Variants in TLE3 observed in about 807,000 individuals in gnomAD.
TLE3 encodes transducin-like enhancer protein 3.
Under a neutral mutation model 93.0 loss-of-function variants are expected in TLE3, and 14 were observed. The observed-to-expected ratio is 0.15, with a 90% CI of 0.10 to 0.24. TLE3 has a LOEUF of 0.24. TLE3 is among the 10% of genes least tolerant of loss of function. The probability of loss-of-function intolerance (pLI) is 1.00; values close to 1 mark genes in which losing one functional copy is unlikely to be tolerated. For missense variants in TLE3, 693 were observed against 1,046.6 expected (o/e 0.66, Z 4.66); for synonymous variants, 451 against 425.0 (o/e 1.06, Z -0.75).
At chr15:70,071,789 C>CT (rs1176713287) in intron 6 of TLE3, among the ~76,000 whole-genome samples, 1 of 152,138 alleles carries the variant, frequency 6.6e-6, no homozygotes, top group African/African-American at 2.4e-5. Flanking sequence ...TCTTGGGACC[C>CT]TCTCTCTCCT....
At position 70,096,204 on chromosome 15, in the gene TLE3, T is replaced by C. The variant is rs1197554365; in HGVS notation, c.82A>G (p.Arg28Gly). 6.4e-7 allele frequency: 1 copy of C among 1,562,046 alleles called. No individual in the cohort carries two copies. The highest frequency in any genetic ancestry group is 8.7e-7 in the Non-Finnish European group (1 of 1,152,896). ...AGGAACTGGAATTCGTCTTTGATCC[T>C]GTCACAAGACTCAGCCACCGTGAAT... Reference protein sequence around the residue: ...FKFTVAESCDRIKDEFQFLQA... With the variant: ...FKFTVAESCDGIKDEFQFLQA... The change falls in exon 2 of 20, where the codon AGG (arginine) becomes GGG (glycine). Residue 28 changes from arginine (R) to glycine (G), a missense_variant. This residue lies in a region of TLE3 where 104 missense variants were observed against 173.8 expected (regional missense o/e 0.60). Coordinates refer to ENST00000451782, the MANE Select transcript of TLE3 (RefSeq NM_001105192.3).
intron 18 of TLE3, among the ~76,000 whole-genome samples, chr15:70,052,075 T>C (rs578154384): frequency 3.1e-4 from 47 of 152,196 alleles, no homozygotes; most frequent in Admixed American, 3.1e-3. Context: ...GTTGTAACCA[T>C]GGAGAGGAAC....
chr15:70,062,030 G>A (rs1005695306), intron 8 of TLE3, among the ~76,000 whole-genome samples: 1 of 152,210 alleles, frequency 6.6e-6, no homozygotes, highest in Non-Finnish European at 1.5e-5. Flanking sequence ...GGGCTGGGCA[G>A]TATTCGGTGG....
At chr15:70,053,514 T>G in intron 16 of TLE3, 140 bp from the exon 17 acceptor site, 3 of 970,902 alleles carry the variant, frequency 3.1e-6, no homozygotes, top group East Asian at 3.0e-5. Context: ...TTAGCGAGCT[T>G]GCAGCAAAGC....
intron 2 of TLE3, 174 bp from the exon 3 acceptor site, chr15:70,095,815 G>A (rs992683477): frequency 4.4e-5 from 34 of 770,666 alleles, no homozygotes; most frequent in East Asian, 3.8e-4. Flanking sequence ...CGTGGGGAGG[G>A]GGATGTGAAA....
chr15:70,090,382 G>C (rs1407107908), intron 4 of TLE3, among the ~76,000 whole-genome samples: 1 of 152,170 alleles, frequency 6.6e-6, no homozygotes, highest in Non-Finnish European at 1.5e-5. Flanking sequence ...CACACAAATA[G>C]GCACTTCCCT....
chr15:70,085,631 C>A (rs2141966947), intron 4 of TLE3, among the ~76,000 whole-genome samples: 1 of 152,350 alleles, frequency 6.6e-6, no homozygotes, highest in Admixed American at 6.5e-5. Context: ...CAAGTTCCTG[C>A]AGACCAGGCC....
At chr15:70,064,561 G>C (rs950971788) in intron 7 of TLE3, 91 bp from the exon 8 acceptor site, 1 of 1,565,566 alleles carries the variant, frequency 6.4e-7, no homozygotes, top group African/African-American at 1.4e-5. Flanking sequence ...TCTAAGTCCA[G>C]CTGGCTTTTG....
Position 70,094,528 on chromosome 15 carries a change from T to C in TLE3, c.234+4A>G. 1 of 1,546,840 alleles carries C rather than the reference T, an allele frequency of 6.5e-7. No individual in the cohort carries two copies. On this transcript the variant is annotated splice_donor_region_variant and intron_variant, in intron 4 of 19. Transcript: ENST00000451782. ...ATATATTTTTAAAAGAGAAAAGCACTTACCTGCTTGTGCATTTCAATGTTC... is the reference window on the plus strand; with the variant it reads ...ATATATTTTTAAAAGAGAAAAGCACCTACCTGCTTGTGCATTTCAATGTTC...
chr15:70,060,671 G>A (rs771750994), intron 8 of TLE3, 22 bp from the exon 9 acceptor site: 23 of 1,612,228 alleles, frequency 1.4e-5, no homozygotes, highest in Middle Eastern at 1.6e-4. Context: ...AAGAGGGTTC[G>A]GGGTTAAAAC....
chr15:70,057,598 A>G lies in TLE3; in HGVS notation c.1112T>C (p.Met371Thr), dbSNP rs574277589. ...GGAGCCGTTCATCTCATGGTGGCTC[A>G]TCATGGCGAAGGGCGCCGCATAGGA... ...TSSYAAPFAMMSHHEMNGSLT... is the reference protein window; with the variant it reads ...TSSYAAPFAMTSHHEMNGSLT... Residue 371 changes from methionine (M) to threonine (T), a missense_variant, in exon 13 of 20, where the codon ATG (methionine) becomes ACG (threonine). This residue lies in a region of TLE3 where 405 missense variants were observed against 468.9 expected (regional missense o/e 0.86). Transcript: ENST00000451782. 1.3e-6 allele frequency: 2 copies of G among 1,595,980 alleles called. No individual in the cohort carries two copies. Among genetic ancestry groups the G allele is most frequent in the South Asian group, 2.3e-5 (2 of 88,460 alleles).
At chr15:70,077,719 A>G (rs1041972218) in intron 4 of TLE3, among the ~76,000 whole-genome samples, 4 of 152,196 alleles carry the variant, frequency 2.6e-5, no homozygotes, top group African/African-American at 4.8e-5. Context: ...TGGCAGGGAG[A>G]GGATCAGGAA....
At position 70,048,831 on chromosome 15, in the gene TLE3, A is replaced by C. The variant is rs1451170356; in HGVS notation, c.*1266T>G. ...CTGTGTCCCCCTCTCCCACCCCCCAACCCCCACTGCTCTGCCCAGGGTGGG... is the reference window on the plus strand; with the variant it reads ...CTGTGTCCCCCTCTCCCACCCCCCACCCCCCACTGCTCTGCCCAGGGTGGG... On this transcript the variant is annotated 3_prime_UTR_variant, in exon 20 of 20. Coordinates refer to ENST00000451782, the MANE Select transcript of TLE3 (RefSeq NM_001105192.3). 2.6e-5 allele frequency: 4 copies of C among 151,112 alleles called. No homozygotes were observed. The highest frequency in any genetic ancestry group is 9.7e-5 in the African/African-American group (4 of 41,068). 9.4% of individuals were successfully genotyped at this position (151,112 alleles called of 1,614,324 possible).
Position 70,057,911 on chromosome 15 carries a change from A to C in TLE3, c.1051+248T>G, listed in dbSNP as rs1396424890. 6 of 720,798 alleles carry C rather than the reference A, an allele frequency of 8.3e-6. No individual in the cohort carries two copies. In the East Asian group the frequency reaches 1.4e-4, roughly 16 times the overall value. The allele number at this position is 720,798 out of a possible 1,614,324, so 44.7% of individuals were successfully genotyped here. On this transcript the variant is annotated intron_variant, in intron 12 of 19. Coordinates refer to ENST00000451782, the MANE Select transcript of TLE3 (RefSeq NM_001105192.3). Reference sequence around the variant, plus strand: ...GCTTGCTTAGAGCCTCACTGGACTAATGACAGGGGTGGGAACAGATTTTGG... The same window carrying C: ...GCTTGCTTAGAGCCTCACTGGACTACTGACAGGGGTGGGAACAGATTTTGG...
intron 19 of TLE3, chr15:70,050,949 C>A (rs2055474708): frequency 6.2e-6 from 1 of 162,562 alleles, no homozygotes. Context: ...TTCCTCCTCT[C>A]TTTCCTGTCC....
chr15:70,052,448 T>C lies in TLE3; in HGVS notation c.2051A>G (p.His684Arg). 1 of 1,614,018 alleles carries C rather than the reference T, an allele frequency of 6.2e-7. No homozygotes were observed. Among genetic ancestry groups the C allele is most frequent in the Non-Finnish European group, 8.5e-7 (1 of 1,179,920 alleles). ...CTGGTACTTGTCAGGCTTGGTGTGGTGCAGCACCTCCACGTTGCTGCTCTC... is the reference window on the plus strand; with the variant it reads ...CTGGTACTTGTCAGGCTTGGTGTGGCGCAGCACCTCCACGTTGCTGCTCTC... The part of the protein sequence containing the change: ...GMESSNVEVL[H>R]HTKPDKYQLH... The change falls in exon 18 of 20, where the codon CAC becomes CGC. Residue 684 changes from histidine to arginine, a missense_variant. His to Arg is a conservative substitution (Grantham distance 29). Around this residue, in one of 4 missense-constraint regions of TLE3, gnomAD observed 153 missense variants for 379.9 expected, o/e 0.40. Coordinates refer to ENST00000451782, the MANE Select transcript of TLE3 (RefSeq NM_001105192.3).
chr15:70,077,426 A>T (rs1160970201), intron 4 of TLE3, among the ~76,000 whole-genome samples: 3 of 152,236 alleles, frequency 2.0e-5, no homozygotes, highest in Non-Finnish European at 4.4e-5. Context: ...AAAATCTGTG[A>T]TCATCTGCAT....
Position 70,096,702 on chromosome 15 carries a change from G to A in TLE3, c.24+73C>T, listed in dbSNP as rs1398111578. The stretch of plus-strand genomic sequence containing the variant: ...CATAAAGGTAGCAACAAGCAAAATG[G>A]AGGTGCCAGATAAACTGCCTCGTTT... On this transcript the variant is annotated intron_variant, in intron 1 of 19. Transcript: ENST00000451782. 3.1e-6 allele frequency: 5 copies of A among 1,589,380 alleles called. No individual in the cohort carries two copies. In the South Asian group the frequency reaches 3.4e-5, roughly 11 times the overall value.
intron 6 of TLE3, chr15:70,067,006 C>A (rs1043045817): frequency 1.3e-5 from 3 of 222,720 alleles, no homozygotes; most frequent in South Asian, 4.3e-5. Context: ...CAGCTCATGG[C>A]GCACAGCTAC....
Sources: allele counts gnomAD v4.1 joint callset (sites outside exome capture counted in the v4.1 genomes callset), GRCh38; gene constraint gnomAD v4.1.1; regional missense constraint gnomAD v4.1.1; transcripts MANE v1.5; gene names NCBI Gene and HGNC (gene_info 2026-07-23, HGNC 2026-07-21).